Variants in PPM1E observed in about 807,000 individuals in gnomAD.
PPM1E encodes protein phosphatase, Mg2+/Mn2+ dependent 1E.
PPM1E carries 20 observed loss-of-function variants against 65.9 expected under a neutral mutation model. The observed-to-expected ratio is 0.30, with a 90% CI of 0.21 to 0.44. The LOEUF is 0.44. PPM1E is among the 20% of genes least tolerant of loss of function. The probability of loss-of-function intolerance (pLI) is 1.00; values close to 1 mark genes in which losing one functional copy is unlikely to be tolerated. For synonymous variants in PPM1E, 352 were observed against 374.9 expected (o/e 0.94, Z 0.70); for missense variants, 713 against 953.1 (o/e 0.75, Z 3.32).
chr17:58,821,826 G>A (rs535216997), intron 1 of PPM1E, among the ~76,000 whole-genome samples: 2 of 152,232 alleles, frequency 1.3e-5, no homozygotes, highest in Middle Eastern at 3.4e-3. Flanking sequence ...AGGGGAGTGG[G>A]CTGAAAGTAT....
intron 1 of PPM1E, among the ~76,000 whole-genome samples, chr17:58,806,527 A>G (rs1049851171): frequency 5.3e-5 from 8 of 151,980 alleles, no homozygotes; most frequent in Admixed American, 5.2e-4. Flanking sequence ...TTACTAATTC[A>G]ATTTTTTCCT....
Position 58,982,527 on chromosome 17 carries a change from G to A in PPM1E, c.*1496G>A, listed in dbSNP as rs962773523. 1.5e-5 allele frequency: 3 copies of A among 203,186 alleles called. No homozygotes were observed. The highest frequency in any genetic ancestry group is 9.0e-5 in the South Asian group (1 of 11,138). 12.6% of individuals were successfully genotyped at this position (203,186 alleles called of 1,614,324 possible). ...ATCATGTGTTTATAGGATAGTACAC[G>A]TTCCCCAGGCCCATAACAGAGGACT... On this transcript the variant is annotated 3_prime_UTR_variant, in exon 7 of 7. Transcript: ENST00000308249.
At chr17:58,916,514 T>C (rs1431213175) in intron 1 of PPM1E, among the ~76,000 whole-genome samples, 2 of 151,974 alleles carry the variant, frequency 1.3e-5, no homozygotes, top group Non-Finnish European at 2.9e-5. Flanking sequence ...TAATCCCAGC[T>C]ACTCAGGAGG....
chr17:58,958,368 G>A (rs1373994616), intron 2 of PPM1E, among the ~76,000 whole-genome samples: 1 of 151,610 alleles, frequency 6.6e-6, no homozygotes, highest in Non-Finnish European at 1.5e-5. Flanking sequence ...GCATCACCAT[G>A]CTCGGCTAAT....
intron 2 of PPM1E, among the ~76,000 whole-genome samples, chr17:58,956,126 G>C (rs565363199): frequency 1.3e-5 from 2 of 152,190 alleles, no homozygotes; most frequent in Admixed American, 1.3e-4. Context: ...TATTTGAAAT[G>C]TTTAGCTTAC....
chr17:58,840,654 G>A (rs1052095327), intron 1 of PPM1E, among the ~76,000 whole-genome samples: 1 of 152,100 alleles, frequency 6.6e-6, no homozygotes, highest in African/African-American at 2.4e-5. Context: ...AAAGATCACT[G>A]TGAGAGGTAT....
chr17:58,880,182 G>A (rs1385325931), intron 1 of PPM1E, among the ~76,000 whole-genome samples: 1 of 152,146 alleles, frequency 6.6e-6, no homozygotes, highest in East Asian at 1.9e-4. Flanking sequence ...CATCCTTGAG[G>A]ATAAGGATGT....
chr17:58,917,193 G>A (rs1307695333), intron 1 of PPM1E, among the ~76,000 whole-genome samples: 1 of 148,564 alleles, frequency 6.7e-6, no homozygotes, highest in Admixed American at 6.8e-5. Flanking sequence ...CTGGGGAACA[G>A]AGCGAGACTC....
intron 2 of PPM1E, among the ~76,000 whole-genome samples, chr17:58,961,104 ATAGG>A (rs374521258): frequency 5.9e-5 from 9 of 152,318 alleles, no homozygotes; most frequent in African/African-American, 2.2e-4. Context: ...ATTAAGAGTA[ATAGG>A]TAGGAAAACT....
chr17:58,873,602 T>TATTATC (rs2051096657), intron 1 of PPM1E, among the ~76,000 whole-genome samples: 1 of 121,358 alleles, frequency 8.2e-6, no homozygotes, highest in Non-Finnish European at 1.8e-5. Context: ...TTATTATTAT[T>TATTATC]ATTATTTTCG....
At chr17:58,964,128 CTT>C in intron 2 of PPM1E, among the ~76,000 whole-genome samples, 1 of 152,272 alleles carries the variant, frequency 6.6e-6, no homozygotes, top group East Asian at 1.9e-4. Context: ...TAGTCTCTCT[CTT>C]CTTTGGGATT....
Position 58,983,170 on chromosome 17 carries a change from C to T in PPM1E, c.*2139C>T, listed in dbSNP as rs776978358. 10 of 420,510 alleles carry T rather than the reference C, an allele frequency of 2.4e-5. No individual in the cohort carries two copies. In the South Asian group the frequency reaches 2.5e-4, roughly 11 times the overall value. 26.0% of individuals were successfully genotyped at this position (420,510 alleles called of 1,614,324 possible). A position where few individuals can be genotyped will look rare whatever the true frequency, so the allele number is the denominator to read the frequency against. The stretch of plus-strand genomic sequence containing the variant: ...TTTAGGGGTCTGGATTTTGTAGGTC[C>T]GACTACACAGCAGTGTTAACTCATT... On this transcript the variant is annotated 3_prime_UTR_variant, in exon 7 of 7. Coordinates refer to ENST00000308249, the MANE Select transcript of PPM1E (RefSeq NM_014906.5).
chr17:58,796,638 C>A (rs189232873), intron 1 of PPM1E, among the ~76,000 whole-genome samples: 29 of 152,214 alleles, frequency 1.9e-4, no homozygotes, highest in African/African-American at 7.0e-4. Context: ...TGTTTTTATT[C>A]TCCAGCATTT....
chr17:58,931,161 C>T lies in PPM1E; in HGVS notation c.465-24488C>T, dbSNP rs988531251. Among the ~76,000 whole-genome samples the T allele has an allele frequency of 6.6e-5, 10 of 150,996 alleles. No homozygotes were observed. The South Asian group carries it at 8.4e-4, about 13-fold the overall frequency. Reference sequence around the variant, plus strand: ...CAGCACTTTAGGAGGCCAAGACGGGCGGATCACCTGAGGTCGGGAGTTCGA... The same window carrying T: ...CAGCACTTTAGGAGGCCAAGACGGGTGGATCACCTGAGGTCGGGAGTTCGA... On this transcript the variant is annotated intron_variant, in intron 1 of 6. Transcript: ENST00000308249.
chr17:58,787,659 A>T (rs2050113362), intron 1 of PPM1E, among the ~76,000 whole-genome samples: 1 of 152,112 alleles, frequency 6.6e-6, no homozygotes, highest in African/African-American at 2.4e-5. Flanking sequence ...CTGTAATCCC[A>T]GCACTTTGGG....
chr17:58,823,428 C>T (rs1387350003), intron 1 of PPM1E, among the ~76,000 whole-genome samples: 1 of 152,092 alleles, frequency 6.6e-6, no homozygotes, highest in Non-Finnish European at 1.5e-5. Context: ...GGTGAAAAGG[C>T]AAAGACCTTA....
At chr17:58,808,203 T>C (rs2050333146) in intron 1 of PPM1E, among the ~76,000 whole-genome samples, 1 of 152,220 alleles carries the variant, frequency 6.6e-6, no homozygotes, top group Non-Finnish European at 1.5e-5. Flanking sequence ...TGCTGGCTTA[T>C]TTACTATAAT....
chr17:58,962,233 G>A (rs898827292), intron 2 of PPM1E, among the ~76,000 whole-genome samples: 3 of 150,380 alleles, frequency 2.0e-5, no homozygotes, highest in Admixed American at 6.7e-5. Flanking sequence ...GTGGTGAGCC[G>A]AGATTGTGCC....
rs2144115294 is a variant in PPM1E, at chr17:58,756,120, C to CGAACCT, written c.128_129insTGAACC (p.Pro43_Glu44dup). On this transcript the variant is annotated inframe_insertion, in exon 1 of 7. Transcript: ENST00000308249. ...CGGAACCCGAACCCGAACCCGAACC[C>CGAACCT]GAACCCGAGTCCGAGCCCGAGCCCG... is the stretch of plus-strand genomic sequence containing the variant. 6.2e-7 allele frequency: 1 copy of CGAACCT among 1,609,052 alleles called. No individual in the cohort carries two copies. The highest frequency in any genetic ancestry group is 1.1e-5 in the South Asian group (1 of 90,380).
Sources: allele counts gnomAD v4.1 joint callset (sites outside exome capture counted in the v4.1 genomes callset), GRCh38; gene constraint gnomAD v4.1.1; transcripts MANE v1.5; gene names NCBI Gene and HGNC (gene_info 2026-07-23, HGNC 2026-07-21).